Variants in PHKB observed in about 807,000 individuals in gnomAD.
PHKB encodes phosphorylase b kinase regulatory subunit beta.
A neutral mutation model predicts 152.1 loss-of-function variants in PHKB; 122 were observed. That is an observed-to-expected ratio of 0.80 (90% CI 0.69 to 0.93). PHKB has a LOEUF of 0.93. Among genes scored for constraint, PHKB ranks in the 40% least tolerant of loss-of-function variants. The pLI is 0.00. For synonymous variants in PHKB, 436 were observed against 464.9 expected (o/e 0.94, Z 0.80); for missense variants, 1,304 against 1,328.4 (o/e 0.98, Z 0.29).
At chr16:47,672,749 A>T (rs1358663518) in intron 26 of PHKB, among the ~76,000 whole-genome samples, 1 of 152,058 alleles carries the variant, frequency 6.6e-6, no homozygotes, top group Admixed American at 6.6e-5. Flanking sequence ...CTCTAACCTG[A>T]TGCTTCTTTC....
chr16:47,669,325 A>G lies in PHKB; in HGVS notation c.2538A>G (p.Glu846=), dbSNP rs750928797. ...YYKCNTHDER[E]AVIQQELVIH... ...AGTGTAACACCCATGATGAGAGGGA[A>G]GCGGTCATTCAGCAAGAACTGGTCA... Residue 846 remains glutamate, a synonymous_variant, in exon 26 of 31, where the codon GAA becomes GAG. Coordinates refer to ENST00000323584, the MANE Select transcript of PHKB (RefSeq NM_000293.3). 41 of 1,614,010 alleles carry G rather than the reference A, an allele frequency of 2.5e-5. No homozygotes were observed. The South Asian group carries it at 4.4e-4, about 17-fold the overall frequency.
At chr16:47,680,471 T>C (rs1973829024) in intron 26 of PHKB, among the ~76,000 whole-genome samples, 1 of 152,222 alleles carries the variant, frequency 6.6e-6, no homozygotes. Flanking sequence ...TATTCAGAGA[T>C]TCAGGTTCTT....
At chr16:47,665,766 G>A in intron 25 of PHKB, 1 of 689,752 alleles carries the variant, frequency 1.4e-6, no homozygotes, top group Non-Finnish European at 2.7e-6. Context: ...ATTCTGAATG[G>A]TCCTGCAGTC....
intron 6 of PHKB, among the ~76,000 whole-genome samples, chr16:47,523,685 C>T (rs1970721102): frequency 6.6e-6 from 1 of 152,150 alleles, no homozygotes; most frequent in South Asian, 2.1e-4. Flanking sequence ...TTTTCAGTGG[C>T]CCCCGTGGAC....
Position 47,503,102 on chromosome 16 carries a change from T to C in PHKB, c.405+12T>C. ...GTCAGGCCGATAAGGTAAAACATTGTGGTGTGGACGGGAATTCTCCCATCA... is the reference window on the plus strand; with the variant it reads ...GTCAGGCCGATAAGGTAAAACATTGCGGTGTGGACGGGAATTCTCCCATCA... On this transcript the variant is annotated intron_variant, in intron 4 of 30. Coordinates refer to ENST00000323584, the MANE Select transcript of PHKB (RefSeq NM_000293.3). The C allele has an allele frequency of 1.3e-6, 2 of 1,490,292 alleles. No individual in the cohort carries two copies. Among genetic ancestry groups the C allele is most frequent in the South Asian group, 2.3e-5 (2 of 88,472 alleles). The allele number at this position is 1,490,292 out of a possible 1,614,324, so 92.3% of individuals were successfully genotyped here.
intron 6 of PHKB, among the ~76,000 whole-genome samples, chr16:47,522,325 G>A (rs1291159761): frequency 6.6e-6 from 1 of 151,690 alleles, no homozygotes; most frequent in Non-Finnish European, 1.5e-5. Flanking sequence ...TAATTTGTTG[G>A]CACATATTAG....
At chr16:47,620,159 A>G (rs1277237333) in intron 14 of PHKB, among the ~76,000 whole-genome samples, 4 of 152,194 alleles carry the variant, frequency 2.6e-5, no homozygotes, top group Admixed American at 2.6e-4. Context: ...CTCAAAATAG[A>G]TGTTGTTGGA....
chr16:47,618,579 G>A (rs1972562064), intron 14 of PHKB, among the ~76,000 whole-genome samples: 1 of 152,052 alleles, frequency 6.6e-6, no homozygotes, highest in African/African-American at 2.4e-5. Flanking sequence ...TTAAACACCA[G>A]ACTTATTTAT....
Position 47,515,502 on chromosome 16 carries a change from ATGTTTC to A in PHKB, c.514-13_514-8del. 8.7e-7 allele frequency: 1 copy of A among 1,151,368 alleles called. No individual in the cohort carries two copies. The highest frequency in any genetic ancestry group is 2.0e-4 in the Middle Eastern group (1 of 5,118). The allele number at this position is 1,151,368 out of a possible 1,614,324, so 71.3% of individuals were successfully genotyped here. A position where few individuals can be genotyped will look rare whatever the true frequency, so the allele number is the denominator to read the frequency against. Reference sequence around the variant, plus strand: ...TTTGGTTGTTTCCTTTAACCTTTTAATGTTTCTGTTTGTTGCAGATAAATGCAGTGT... The same window carrying A: ...TTTGGTTGTTTCCTTTAACCTTTTAATGTTTGTTGCAGATAAATGCAGTGT... On this transcript the variant is annotated splice_polypyrimidine_tract_variant and intron_variant, in intron 5 of 30. Coordinates refer to ENST00000323584, the MANE Select transcript of PHKB (RefSeq NM_000293.3).
chr16:47,622,840 T>C (rs1344078205), intron 14 of PHKB, among the ~76,000 whole-genome samples: 1 of 152,198 alleles, frequency 6.6e-6, no homozygotes, highest in African/African-American at 2.4e-5. Context: ...TAAAAACATA[T>C]AGTACACTTG....
intron 13 of PHKB, among the ~76,000 whole-genome samples, chr16:47,599,894 C>G (rs1972190844): frequency 6.6e-6 from 1 of 152,186 alleles, no homozygotes; most frequent in Admixed American, 6.5e-5. Flanking sequence ...CTGTTGTATA[C>G]TAGCCCTAAG....
At chr16:47,622,244 A>T (rs1304243460) in intron 14 of PHKB, among the ~76,000 whole-genome samples, 1 of 152,168 alleles carries the variant, frequency 6.6e-6, no homozygotes, top group Non-Finnish European at 1.5e-5. Context: ...CTTAACCTGA[A>T]ATTTACCTAC....
At chr16:47,658,427 C>T (rs995437015) in intron 20 of PHKB, among the ~76,000 whole-genome samples, 2 of 152,086 alleles carry the variant, frequency 1.3e-5, no homozygotes, top group African/African-American at 4.8e-5. Context: ...CTACTTTGCA[C>T]TTATCACCAT....
chr16:47,583,928 A>T (rs547742184), intron 8 of PHKB, among the ~76,000 whole-genome samples: 1 of 152,196 alleles, frequency 6.6e-6, no homozygotes, highest in Non-Finnish European at 1.5e-5. Context: ...GCTTCAGCAT[A>T]TGAGATAAAA....
intron 20 of PHKB, among the ~76,000 whole-genome samples, chr16:47,657,094 A>T (rs886955102): frequency 6.6e-6 from 1 of 151,920 alleles, no homozygotes; most frequent in Admixed American, 6.6e-5. Flanking sequence ...TCCTTCTATG[A>T]CATTTTGCTT....
chr16:47,631,740 GTTC>G (rs542433745), intron 14 of PHKB, among the ~76,000 whole-genome samples: 1,552 of 152,206 alleles, frequency 0.01, 12 homozygotes, highest in Non-Finnish European at 0.017. Flanking sequence ...TTGGTTTTCT[GTTC>G]TTCTGTTAGT....
At chr16:47,695,089 G>A (rs1974124772) in intron 28 of PHKB, among the ~76,000 whole-genome samples, 1 of 152,078 alleles carries the variant, frequency 6.6e-6, no homozygotes, top group Non-Finnish European at 1.5e-5. Flanking sequence ...ATTTCCTCAA[G>A]GTCACACATC....
rs541304036 is a variant in PHKB, at chr16:47,502,815, T to C, written c.306-176T>C. Among the ~76,000 whole-genome samples, 129 of 152,382 alleles carry C rather than the reference T, an allele frequency of 8.5e-4. 1 individual carries two copies. The highest frequency in any genetic ancestry group is 3.0e-3 in the African/African-American group (123 of 41,592). On this transcript the variant is annotated intron_variant, in intron 3 of 30. Transcript: ENST00000323584. ...TGCCTAAGTTTCATCATAGGATTTT[T>C]TTTTCATTGCAGCATTTCTACTTTT...
At chr16:47,604,262 G>A (rs1972285275) in intron 13 of PHKB, among the ~76,000 whole-genome samples, 1 of 152,034 alleles carries the variant, frequency 6.6e-6, no homozygotes, top group African/African-American at 2.4e-5. Flanking sequence ...TATTTTCCTA[G>A]TTTGTTTGCC....
Sources: gnomAD v4.1 joint callset for allele counts (sites outside exome capture counted in the v4.1 genomes callset) on GRCh38, gnomAD v4.1.1 for gene constraint, MANE v1.5 for transcripts, NCBI Gene and HGNC (gene_info 2026-07-23, HGNC 2026-07-21) for gene names.